The following BBS9 variants were observed in gnomAD, a reference collection of about 807,000 sequenced individuals.
BBS9 encodes the protein protein PTHB1.
In BBS9, 89 loss-of-function variants were observed where a neutral mutation model predicts 117.7. The ratio of observed to expected loss-of-function variants is 0.76; its 90% CI spans 0.64 to 0.90. The LOEUF (loss-of-function observed/expected upper bound fraction) is 0.90, where lower values mean the gene tolerates loss of function less well. BBS9 is among the 40% of genes least tolerant of loss of function. The pLI is 0.00. For synonymous variants in BBS9, 379 were observed against 370.9 expected (o/e 1.02, Z -0.25); for missense variants, 982 against 1,042.2 (o/e 0.94, Z 0.80).
At chr7:33,265,196 G>C (rs867292981) in intron 7 of BBS9, among the ~76,000 whole-genome samples, 1 of 152,146 alleles carries the variant, frequency 6.6e-6, no homozygotes, top group Non-Finnish European at 1.5e-5. Flanking sequence ...GAGAAATAAT[G>C]TAGAATTTAG....
At chr7:33,443,670 T>C (rs554824213) in intron 19 of BBS9, among the ~76,000 whole-genome samples, 15 of 152,354 alleles carry the variant, frequency 9.8e-5, no homozygotes, top group Admixed American at 7.2e-4. Flanking sequence ...TGATCTTCTA[T>C]TGTACCTGTA....
At chr7:33,274,635 A>T (rs907555408) in intron 9 of BBS9, among the ~76,000 whole-genome samples, 3 of 152,222 alleles carry the variant, frequency 2.0e-5, no homozygotes, top group African/African-American at 7.2e-5. Flanking sequence ...ACAACTTTCC[A>T]TAAAGCTTCA....
At chr7:33,192,275 G>C (rs1275435928) in intron 5 of BBS9, among the ~76,000 whole-genome samples, 1 of 152,046 alleles carries the variant, frequency 6.6e-6, no homozygotes, top group Non-Finnish European at 1.5e-5. Context: ...TGTTTATTTT[G>C]TATTAAAATA....
intron 5 of BBS9, among the ~76,000 whole-genome samples, chr7:33,196,650 C>T (rs556459090): frequency 7.9e-5 from 12 of 152,256 alleles, no homozygotes; most frequent in Admixed American, 5.9e-4. Context: ...TACTGGCTCC[C>T]GTTCCTTGCC....
At chr7:33,448,424 A>T (rs192673721) in intron 19 of BBS9, among the ~76,000 whole-genome samples, 83 of 152,264 alleles carry the variant, frequency 5.5e-4, no homozygotes, top group Non-Finnish European at 4.7e-4. Context: ...TGAAGGCGGC[A>T]TGGGGTAGGA....
At chr7:33,386,525 C>T (rs911776453) in intron 18 of BBS9, among the ~76,000 whole-genome samples, 4 of 151,750 alleles carry the variant, frequency 2.6e-5, no homozygotes, top group Non-Finnish European at 5.9e-5. Flanking sequence ...GGGTCTCGCT[C>T]TGTCGCCCAG....
At chr7:33,585,270 A>G (rs923267210) in intron 21 of BBS9, among the ~76,000 whole-genome samples, 1 of 152,092 alleles carries the variant, frequency 6.6e-6, no homozygotes, top group Non-Finnish European at 1.5e-5. Context: ...TGATTTTCCC[A>G]AACCCTTTCA....
intron 11 of BBS9, among the ~76,000 whole-genome samples, chr7:33,341,605 T>C (rs1307340245): frequency 6.7e-6 from 1 of 149,446 alleles, no homozygotes; most frequent in Non-Finnish European, 1.5e-5. Flanking sequence ...GTCATTATCA[T>C]CAAATTACAT....
chr7:33,612,243 T>G (rs1443536670), intron 21 of BBS9, among the ~76,000 whole-genome samples: 1 of 152,020 alleles, frequency 6.6e-6, no homozygotes, highest in Non-Finnish European at 1.5e-5. Flanking sequence ...TACTCATCTT[T>G]TGCACTCAGC....
At chr7:33,545,624 G>A (rs769096178) in intron 21 of BBS9, among the ~76,000 whole-genome samples, 23 of 152,010 alleles carry the variant, frequency 1.5e-4, no homozygotes, top group Non-Finnish European at 2.8e-4. Flanking sequence ...TCTTGCAGGC[G>A]ATCTGCAGCT....
intron 5 of BBS9, among the ~76,000 whole-genome samples, chr7:33,228,866 C>A (rs1287998925): frequency 6.6e-6 from 1 of 151,950 alleles, no homozygotes; most frequent in East Asian, 1.9e-4. Context: ...TCAGGGGTGG[C>A]AGAGGTGGAA....
chr7:33,435,946 G>A (rs1835246892), intron 19 of BBS9, among the ~76,000 whole-genome samples: 1 of 152,148 alleles, frequency 6.6e-6, no homozygotes, highest in South Asian at 2.1e-4. Context: ...TTGGGCTAGA[G>A]GTATCACCAA....
At chr7:33,278,499 C>A (rs1801202007) in intron 9 of BBS9, among the ~76,000 whole-genome samples, 2 of 152,080 alleles carry the variant, frequency 1.3e-5, no homozygotes, top group Admixed American at 6.6e-5. Flanking sequence ...TTAAATATAT[C>A]ATCCCATATT....
At chr7:33,446,864 G>T (rs1374385440) in intron 19 of BBS9, among the ~76,000 whole-genome samples, 2 of 152,116 alleles carry the variant, frequency 1.3e-5, no homozygotes, top group African/African-American at 2.4e-5. Context: ...CTTCCGGCTG[G>T]CATCTGGACA....
chr7:33,512,533 C>G (rs560519598), intron 20 of BBS9, among the ~76,000 whole-genome samples: 1 of 152,158 alleles, frequency 6.6e-6, no homozygotes, highest in Non-Finnish European at 1.5e-5. Flanking sequence ...CAAACAATCA[C>G]AGTGAGGAAA....
chr7:33,527,291 T>C (rs7789001), intron 20 of BBS9, among the ~76,000 whole-genome samples: 18,690 of 152,226 alleles, frequency 0.12, 1,228 homozygotes, highest in African/African-American at 0.17. Context: ...TCGAGCTTCC[T>C]GGCTGCTTTG....
intron 19 of BBS9, among the ~76,000 whole-genome samples, chr7:33,430,537 T>C (rs1834284431): frequency 6.6e-6 from 1 of 152,218 alleles, no homozygotes; most frequent in Admixed American, 6.5e-5. Context: ...TTGTTTTACT[T>C]TGTGGCCTAG....
intron 21 of BBS9, among the ~76,000 whole-genome samples, chr7:33,584,978 C>G (rs192868135): frequency 6.6e-6 from 1 of 152,188 alleles, no homozygotes; most frequent in Admixed American, 6.5e-5. Context: ...ATTTTCCCAA[C>G]TTTCAGAAGA....
chr7:33,218,751 T>C (rs1271268613), intron 5 of BBS9, among the ~76,000 whole-genome samples: 1 of 152,256 alleles, frequency 6.6e-6, no homozygotes, highest in Admixed American at 6.5e-5. Context: ...GTGTTGGTGA[T>C]TGACACATCT....
Sources: gnomAD v4.1 joint callset for allele counts (sites outside exome capture counted in the v4.1 genomes callset) on GRCh38, gnomAD v4.1.1 for gene constraint, MANE v1.5 for transcripts, NCBI Gene and HGNC (gene_info 2026-07-23, HGNC 2026-07-21) for gene names.